The following CRY1 variants were observed in gnomAD, a reference collection of about 807,000 sequenced individuals.
CRY1 encodes the protein cryptochrome-1.
In CRY1, 45 loss-of-function variants were observed where a neutral mutation model predicts 76.0. The ratio of observed to expected loss-of-function variants is 0.59; its 90% confidence interval spans 0.47 to 0.76. The LOEUF is 0.76. Among genes scored for constraint, CRY1 ranks in the 30% least tolerant of loss-of-function variants. The probability of loss-of-function intolerance (pLI) is 0.00; values close to 1 mark genes in which losing one functional copy is unlikely to be tolerated. For synonymous variants in CRY1, 248 were observed against 244.0 expected (o/e 1.02, Z -0.15); for missense variants, 587 against 716.4 (o/e 0.82, Z 2.06).
intron 1 of CRY1, chr12:107,042,947 T>C (rs1952814743): frequency 6.6e-6 from 1 of 152,222 alleles, no homozygotes; most frequent in Non-Finnish European, 1.5e-5. Context: ...CTGACGGAAT[T>C]ACCTGGAGTC....
In CRY1 at chr12:106,997,498, A is replaced by G. The variant is rs746304504; in HGVS notation, c.1482T>C (p.Tyr494=). ...CAGTTCTTAACATACCTAGTCCTCT[A>G]TATCGTGAAAGCTGCTGATAGATCT... ...MKQIYQQLSR[Y]RGLGLLASVP... Residue 494 remains tyrosine (Y), a synonymous_variant, in exon 9 of 13, where the codon TAT becomes TAC. Transcript: ENST00000008527. 2 of 1,613,968 alleles carry G rather than the reference A, an allele frequency of 1.2e-6. No homozygotes were observed. The highest frequency in any genetic ancestry group is 1.1e-5 in the South Asian group (1 of 91,084).
intron 1 of CRY1, among the ~76,000 whole-genome samples, chr12:107,033,599 C>T (rs1324502717): frequency 1.3e-5 from 2 of 152,062 alleles, no homozygotes; most frequent in African/African-American, 4.8e-5. Context: ...AAATTGGTTA[C>T]TGTAATTCAC....
chr12:106,998,143 C>T (rs1952255281), intron 7 of CRY1, 77 bp from the exon 8 acceptor site: 3 of 1,530,472 alleles, frequency 2.0e-6, no homozygotes, highest in African/African-American at 1.4e-5. Context: ...CACAGTAGAG[C>T]CAAAGTCAAG....
intron 2 of CRY1, among the ~76,000 whole-genome samples, chr12:107,020,471 T>C (rs1380597600): frequency 6.6e-6 from 1 of 152,170 alleles, no homozygotes; most frequent in Admixed American, 6.5e-5. Flanking sequence ...GATTGGATCA[T>C]GGTGGCAGAT....
intron 1 of CRY1, among the ~76,000 whole-genome samples, chr12:107,029,606 C>CAAAAAA (rs35485801): frequency 1.8e-5 from 2 of 112,272 alleles, no homozygotes. Context: ...GGTCTTGCCT[C>CAAAAAA]AAAAAAAAAA....
At chr12:107,026,160 T>TATATATATATATTACATATATATATAA (rs1166056898) in intron 1 of CRY1, among the ~76,000 whole-genome samples, 2 of 75,870 alleles carry the variant, frequency 2.6e-5, no homozygotes, top group Non-Finnish European at 2.2e-5. Flanking sequence ...ATATATAAAA[T>TATATATATATATTACATATATATATAA]ATATATATAT....
intron 12 of CRY1, chr12:106,992,536 C>A: frequency 1.0e-5 from 3 of 298,180 alleles, no homozygotes; most frequent in Admixed American, 4.6e-5. Context: ...AAAACTTGAC[C>A]ACAAAATCAT....
chr12:107,083,449 T>TA (rs1953352913), intron 1 of CRY1, among the ~76,000 whole-genome samples: 1 of 152,122 alleles, frequency 6.6e-6, no homozygotes, highest in African/African-American at 2.4e-5. Context: ...CTCAATAAAA[T>TA]ACTGGCAAAC....
At chr12:107,022,258 A>C in intron 1 of CRY1, 66 bp from the exon 2 acceptor site, 1 of 972,078 alleles carries the variant, frequency 1.0e-6, no homozygotes, top group Non-Finnish European at 1.5e-6. Flanking sequence ...AAATTATTAC[A>C]AAGTCATGTT....
chr12:107,041,535 C>T (rs1345245637), intron 1 of CRY1, among the ~76,000 whole-genome samples: 1 of 152,114 alleles, frequency 6.6e-6, no homozygotes, highest in African/African-American at 2.4e-5. Flanking sequence ...AATCACATAA[C>T]AGTATTTGAA....
chr12:107,083,649 T>C (rs1218801132), intron 1 of CRY1, among the ~76,000 whole-genome samples: 1 of 152,194 alleles, frequency 6.6e-6, no homozygotes, highest in Non-Finnish European at 1.5e-5. Context: ...CACCGCTTCA[T>C]GCTAAAAACT....
chr12:107,000,612 A>C (rs1952297409), intron 5 of CRY1, among the ~76,000 whole-genome samples: 2 of 151,380 alleles, frequency 1.3e-5, no homozygotes, highest in Admixed American at 6.6e-5. Context: ...AGCCTCCCAA[A>C]GTGTTGGGAT....
At chr12:107,067,783 C>T (rs938513061) in intron 1 of CRY1, among the ~76,000 whole-genome samples, 1 of 152,078 alleles carries the variant, frequency 6.6e-6, no homozygotes, top group Non-Finnish European at 1.5e-5. Context: ...TGTGACAAGG[C>T]TGGAATCTTG....
At chr12:107,039,894 C>T (rs7311527) in intron 1 of CRY1, among the ~76,000 whole-genome samples, 18,850 of 152,094 alleles carry the variant, frequency 0.12, 1,960 homozygotes, top group African/African-American at 0.27. Context: ...AAAATAGCCA[C>T]AAGATGGAAT....
intron 10 of CRY1, 90 bp from the exon 11 acceptor site, chr12:106,993,126 G>A: frequency 8.6e-7 from 1 of 1,168,738 alleles, no homozygotes; most frequent in Non-Finnish European, 1.2e-6. Flanking sequence ...TTTAGCGCTT[G>A]TACTTAAGGT....
chr12:107,014,131 C>A (rs1566247715), intron 2 of CRY1, among the ~76,000 whole-genome samples: 1 of 147,886 alleles, frequency 6.8e-6, no homozygotes, highest in African/African-American at 2.4e-5. Context: ...CAGGAACACA[C>A]AACCTTCCCT....
intron 1 of CRY1, chr12:107,050,006 T>C (rs1952900101): frequency 6.6e-6 from 1 of 151,892 alleles, no homozygotes. Flanking sequence ...GGAAGAACAG[T>C]TGGAAGGAAG....
chr12:106,998,485 G>A (rs1952258638), intron 7 of CRY1, among the ~76,000 whole-genome samples: 1 of 151,988 alleles, frequency 6.6e-6, no homozygotes. Flanking sequence ...AATAAAGGAA[G>A]CATACTCAAA....
At chr12:107,080,294 C>T (rs1033878184) in intron 1 of CRY1, among the ~76,000 whole-genome samples, 1 of 151,976 alleles carries the variant, frequency 6.6e-6, no homozygotes, top group African/African-American at 2.4e-5. Flanking sequence ...TTTGGACAAG[C>T]TGAGTTTGAG....
Sources: gnomAD v4.1 joint callset for allele counts (sites outside exome capture counted in the v4.1 genomes callset) on GRCh38, gnomAD v4.1.1 for gene constraint, MANE v1.5 for transcripts, NCBI Gene and HGNC (gene_info 2026-07-23, HGNC 2026-07-21) for gene names.